The following KANK1 variants were observed in gnomAD, a reference collection of about 807,000 sequenced individuals.
The protein encoded by KANK1 is KN motif and ankyrin repeat domains 1, also known as KN motif and ankyrin repeat domain-containing protein 1.
A neutral mutation model predicts 106.2 loss-of-function variants in KANK1; 109 were observed. The ratio of observed to expected loss-of-function variants is 1.03; its 90% CI spans 0.88 to 1.20. KANK1 has a LOEUF of 1.20. Among genes scored for constraint, KANK1 ranks in the 50% most tolerant of loss-of-function variants. The pLI is 0.00. For synonymous variants in KANK1, 873 were observed against 652.2 expected (o/e 1.34, Z -5.16); for missense variants, 2,399 against 1,710.7 (o/e 1.40, Z -7.10).
At chr9:565,815 T>C (rs779110374) in intron 1 of KANK1, among the ~76,000 whole-genome samples, 1 of 152,182 alleles carries the variant, frequency 6.6e-6, no homozygotes, top group East Asian at 1.9e-4. Flanking sequence ...GTTACAAATC[T>C]TGTGACTTCC....
intron 1 of KANK1, among the ~76,000 whole-genome samples, chr9:523,704 C>T (rs917460514): frequency 6.6e-6 from 1 of 151,662 alleles, no homozygotes; most frequent in Non-Finnish European, 1.5e-5. Flanking sequence ...GTGCTCTGTC[C>T]TCACCTCAGT....
intron 1 of KANK1, among the ~76,000 whole-genome samples, chr9:507,617 C>T (rs1232303411): frequency 2.1e-5 from 3 of 143,516 alleles, no homozygotes; most frequent in Admixed American, 7.1e-5. Flanking sequence ...AGTGCAGTGG[C>T]GCGATCTCAG....
intron 1 of KANK1, among the ~76,000 whole-genome samples, chr9:594,316 G>T (rs958036880): frequency 1.3e-5 from 2 of 151,896 alleles, no homozygotes; most frequent in Admixed American, 1.3e-4. Context: ...GGCTAACTAG[G>T]GGGAAAAGGC....
rs780610281 is a variant in KANK1 at position 711,183 on chromosome 9, G to A, written c.417G>A (p.Gln139=). The A allele has an allele frequency of 6.2e-7, 1 of 1,614,120 alleles. No individual in the cohort carries two copies. Among genetic ancestry groups the A allele is most frequent in the Non-Finnish European group, 8.5e-7 (1 of 1,180,034 alleles). ...LPFLTIPENR[Q]LPPPSPQLPK... is the part of the protein sequence containing the mutation. ...TTCTTACCATCCCAGAAAATCGACA[G>A]CTGCCACCTCCCTCACCACAACTCC... is the stretch of plus-strand genomic sequence containing the variant. Residue 139 remains glutamine, a synonymous_variant, in exon 3 of 12, where the codon CAG becomes CAA. Transcript: ENST00000382297.
chr9:678,839 T>C (rs978930023), intron 2 of KANK1, among the ~76,000 whole-genome samples: 1 of 152,168 alleles, frequency 6.6e-6, no homozygotes, highest in South Asian at 2.1e-4. Flanking sequence ...TAATTCCCTC[T>C]GATGATGTGG....
intron 1 of KANK1, among the ~76,000 whole-genome samples, chr9:505,790 C>A (rs372129518): frequency 6.6e-6 from 1 of 152,246 alleles, no homozygotes; most frequent in Non-Finnish European, 1.5e-5. Flanking sequence ...AATAAGGAAG[C>A]TTAATCATCC....
chr9:601,451 T>G (rs2804294), intron 1 of KANK1, among the ~76,000 whole-genome samples: 51,901 of 151,710 alleles, frequency 0.34, 10,965 homozygotes, highest in South Asian at 0.55. Context: ...GTTAGTTATT[T>G]TGTGGAATGA....
chr9:529,516 A>G (rs199691417), intron 1 of KANK1, among the ~76,000 whole-genome samples: 3 of 152,152 alleles, frequency 2.0e-5, no homozygotes, highest in Non-Finnish European at 4.4e-5. Flanking sequence ...TATTTTTAAA[A>G]TGTGTGTATA....
rs78479419 is a variant in KANK1 at position 714,216 on chromosome 9, C to T, written c.2698+752C>T. ...TTCTAGGTGGGGTGCAGGATATAGA[C>T]AGTAGACCTATAACATGTCAGGAGG... On this transcript the variant is annotated intron_variant, in intron 3 of 11. Transcript: ENST00000382297. Among the ~76,000 whole-genome samples, 1,367 of 152,212 alleles carry T rather than the reference C, an allele frequency of 9.0e-3. 8 individuals are homozygous for T. The highest frequency in any genetic ancestry group is 0.034 in the Middle Eastern group (10 of 294).
At chr9:740,769 C>CTTTT (rs58169581) in intron 8 of KANK1, 23 bp from the exon 9 acceptor site, 28 of 1,505,808 alleles carry the variant, frequency 1.9e-5, no homozygotes, top group African/African-American at 1.3e-4. Context: ...TCCTAAGAGA[C>CTTTT]TTTTTTTTTT....
chr9:679,364 A>G (rs905375895), intron 2 of KANK1, among the ~76,000 whole-genome samples: 12 of 152,178 alleles, frequency 7.9e-5, no homozygotes, highest in African/African-American at 2.7e-4. Flanking sequence ...ACATACATAT[A>G]TGTATATACA....
chr9:694,234 C>A (rs780140684), intron 2 of KANK1, among the ~76,000 whole-genome samples: 1 of 152,150 alleles, frequency 6.6e-6, no homozygotes, highest in African/African-American at 2.4e-5. Context: ...CCCCACCTCC[C>A]CCTGGCCAAA....
chr9:654,904 G>A (rs1362125641), intron 1 of KANK1, among the ~76,000 whole-genome samples: 1 of 152,094 alleles, frequency 6.6e-6, no homozygotes, highest in Non-Finnish European at 1.5e-5. Context: ...GTTCCCTAGT[G>A]ATGGTGATGC....
At chr9:526,200 C>G (rs2059784069) in intron 1 of KANK1, among the ~76,000 whole-genome samples, 2 of 151,728 alleles carry the variant, frequency 1.3e-5, no homozygotes. Context: ...GAGTGTGATC[C>G]TGGTGCTGTC....
Position 713,360 on chromosome 9 carries a change from A to C in KANK1, c.2594A>C (p.Gln865Pro), listed in dbSNP as rs779103657. Residue 865 changes from glutamine to proline, a missense_variant, in exon 3 of 12, where the codon CAG becomes CCG. Coordinates refer to ENST00000382297, the MANE Select transcript of KANK1 (RefSeq NM_015158.5). The part of the protein sequence containing the change: ...PHSQMGSLNS[Q>P]LISTLSSINS... ...TCACAGATGGGCTCCCTCAACTCTC[A>C]GCTCATCAGCACCCTGTCGTCTATC... 6.2e-7 allele frequency: 1 copy of C among 1,614,200 alleles called. No individual in the cohort carries two copies. Among genetic ancestry groups the C allele is most frequent in the Non-Finnish European group, 8.5e-7 (1 of 1,180,030 alleles).
At chr9:491,522 C>T (rs2058377744) in intron 3 of KANK1, among the ~76,000 whole-genome samples, 1 of 152,028 alleles carries the variant, frequency 6.6e-6, no homozygotes, top group African/African-American at 2.4e-5. Flanking sequence ...CCTCCTCGGC[C>T]CCCCAAAGTG....
In KANK1 at chr9:655,084, A is replaced by G. The variant is rs139137343; in HGVS notation, c.-83-21806A>G. 2.1e-3 allele frequency among the ~76,000 whole-genome samples: 322 copies of G among 152,198 alleles called. 3 individuals are homozygous for G. Among genetic ancestry groups the G allele is most frequent in the African/African-American group, 7.4e-3 (306 of 41,514 alleles). ...GACCTAGACAGTAATTCTAATAATC[A>G]TCCAGCCGGGCGTGGTAGCTCACGC... On this transcript the variant is annotated intron_variant, in intron 1 of 11. Coordinates refer to ENST00000382297, the MANE Select transcript of KANK1 (RefSeq NM_015158.5).
At chr9:695,418 C>A (rs563557700) in intron 2 of KANK1, among the ~76,000 whole-genome samples, 20 of 152,068 alleles carry the variant, frequency 1.3e-4, no homozygotes, top group Non-Finnish European at 2.4e-4. Context: ...TGGACTGGGA[C>A]TCCCCCTTAT....
intron 2 of KANK1, among the ~76,000 whole-genome samples, chr9:708,350 A>T (rs550801028): frequency 6.6e-6 from 1 of 152,256 alleles, no homozygotes; most frequent in Non-Finnish European, 1.5e-5. Flanking sequence ...TAAAAGGGAA[A>T]GAGAGAAGGA....
Sources: gnomAD v4.1 joint callset for allele counts (sites outside exome capture counted in the v4.1 genomes callset) on GRCh38, gnomAD v4.1.1 for gene constraint, MANE v1.5 for transcripts, NCBI Gene and HGNC (gene_info 2026-07-23, HGNC 2026-07-21) for gene names.